RUBCN: variants seen among roughly 807,000 people sequenced by gnomAD.
RUBCN encodes rubicon autophagy regulator, also known as run domain Beclin-1-interacting and cysteine-rich domain-containing protein.
RUBCN carries 74 observed loss-of-function variants against 113.2 expected under a neutral mutation model. The ratio of observed to expected loss-of-function variants is 0.65; its 90% CI spans 0.54 to 0.79. The LOEUF (loss-of-function observed/expected upper bound fraction) is 0.79, where lower values mean the gene tolerates loss of function less well. Ranked by LOEUF, RUBCN falls within the 30% of genes least tolerant of loss-of-function variation. The pLI is 0.00. For missense variants in RUBCN, 1,109 were observed against 1,251.7 expected (o/e 0.89, Z 1.72); for synonymous variants, 480 against 490.0 (o/e 0.98, Z 0.27).
intron 11 of RUBCN, among the ~76,000 whole-genome samples, chr3:197,689,836 C>G (rs1439511930): frequency 6.6e-6 from 1 of 152,174 alleles, no homozygotes; most frequent in Non-Finnish European, 1.5e-5. Flanking sequence ...CGAATCTCTT[C>G]TAGCTATTTT....
Position 197,674,848 on chromosome 3 carries a change from G to GATAT in RUBCN, c.*169_*170insATAT. On this transcript the variant is annotated 3_prime_UTR_variant, in exon 20 of 20. Coordinates refer to ENST00000296343, the MANE Select transcript of RUBCN (RefSeq NM_014687.4). ...ACTCTGGACCCATCAACCTGCCGAC[G>GATAT]GCTGACTGCACACAGACGTCAGACA... is the stretch of plus-strand genomic sequence containing the variant. 1 of 593,624 alleles carries GATAT rather than the reference G, an allele frequency of 1.7e-6. No individual in the cohort carries two copies. Among genetic ancestry groups the GATAT allele is most frequent in the Non-Finnish European group, 2.8e-6 (1 of 354,432 alleles). 36.8% of individuals were successfully genotyped at this position (593,624 alleles called of 1,614,324 possible). A position where few individuals can be genotyped will look rare whatever the true frequency, so the allele number is the denominator to read the frequency against.
rs764901349 is a variant in RUBCN, at chr3:197,675,517, TG to T, written c.2647-3del. 2 of 1,612,690 alleles carry T rather than the reference TG, an allele frequency of 1.2e-6. No homozygotes were observed. Among genetic ancestry groups the T allele is most frequent in the Non-Finnish European group, 1.7e-6 (2 of 1,179,036 alleles). On this transcript the variant is annotated splice_region_variant and splice_polypyrimidine_tract_variant and intron_variant, in intron 18 of 19. Transcript: ENST00000296343. The surrounding 1 kb of genome is among the most constrained non-coding windows in gnomAD (Gnocchi z 4.4). ...GATGAAGCCTTTGGCTTGGCAGAGC[TG>T]GGGAGGAAAAACACAGATGGCAAAA...
chr3:197,748,123 T>A (rs576875433), intron 1 of RUBCN: 24 of 152,008 alleles, frequency 1.6e-4, no homozygotes, highest in African/African-American at 4.6e-4. Flanking sequence ...TATTTATTTT[T>A]ATTTTTTAGT....
chr3:197,685,441 T>C (rs1721731929), intron 11 of RUBCN, among the ~76,000 whole-genome samples: 1 of 152,218 alleles, frequency 6.6e-6, no homozygotes, highest in East Asian at 1.9e-4. Flanking sequence ...TCCTCACGTT[T>C]CCTCTGTATG....
At chr3:197,684,076 G>A (rs1172814029) in intron 12 of RUBCN, 81 bp downstream of exon 12, 3 of 1,130,018 alleles carry the variant, frequency 2.7e-6, no homozygotes, top group African/African-American at 1.5e-5. Context: ...GCTTTGCCCA[G>A]CCATACACCA....
chr3:197,743,427 C>T (rs1479284269), intron 1 of RUBCN, among the ~76,000 whole-genome samples: 2 of 152,148 alleles, frequency 1.3e-5, no homozygotes, highest in Non-Finnish European at 2.9e-5. Flanking sequence ...AGGAGGACCT[C>T]GAACTCTGTT....
chr3:197,701,502 A>C (rs1723665564), intron 6 of RUBCN, among the ~76,000 whole-genome samples: 2 of 152,198 alleles, frequency 1.3e-5, no homozygotes, highest in African/African-American at 4.8e-5. Context: ...AACCCAGGGG[A>C]ATCTACAAAC....
intron 11 of RUBCN, among the ~76,000 whole-genome samples, chr3:197,692,508 G>A (rs572672559): frequency 3.7e-4 from 56 of 151,880 alleles, no homozygotes; most frequent in African/African-American, 1.2e-3. Context: ...TTGGTGACCT[G>A]TGTCTGGCAT....
In RUBCN at chr3:197,700,631, C is replaced by A; in HGVS notation, c.1243G>T (p.Ala415Ser). Residue 415 changes from alanine (A) to serine (S), a missense_variant, in exon 7 of 20, where the codon GCC becomes TCC. By Grantham distance (99) the Ala-to-Ser change is moderately conservative (BLOSUM62 1). This residue lies in a region of RUBCN where 736 missense variants were observed against 779.6 expected (regional missense o/e 0.94). Transcript: ENST00000296343. ...HIRSHSDTSI[A>S]SRGAPESCND... Reference sequence around the variant, plus strand: ...TCATTACCTGGAGCTCCCCTGGAGGCAATGCTGGTATCCGAATGGGAGCGA... The same window carrying A: ...TCATTACCTGGAGCTCCCCTGGAGGAAATGCTGGTATCCGAATGGGAGCGA... The A allele has an allele frequency of 2.5e-6, 4 of 1,614,128 alleles. No homozygotes were observed. In the East Asian group the frequency reaches 6.7e-5, roughly 27 times the overall value.
intron 7 of RUBCN, among the ~76,000 whole-genome samples, chr3:197,698,194 C>T (rs982467479): frequency 6.6e-6 from 1 of 152,222 alleles, no homozygotes; most frequent in Non-Finnish European, 1.5e-5. Flanking sequence ...CCCTTACACT[C>T]GTTATCTGCC....
chr3:197,687,546 G>C (rs1721985423), intron 11 of RUBCN, among the ~76,000 whole-genome samples: 1 of 152,250 alleles, frequency 6.6e-6, no homozygotes, highest in Admixed American at 6.5e-5. Context: ...GCTGGAGGCA[G>C]AAGGGGTTTC....
chr3:197,688,661 G>A (rs1560417252), intron 11 of RUBCN, among the ~76,000 whole-genome samples: 1 of 152,182 alleles, frequency 6.6e-6, no homozygotes, highest in Admixed American at 6.5e-5. Flanking sequence ...GAAAAAAATA[G>A]CAACAACAAA....
In RUBCN at chr3:197,674,460, GC is replaced by G; in HGVS notation, c.*557del. 2 of 429,216 alleles carry G rather than the reference GC, an allele frequency of 4.7e-6. No individual in the cohort carries two copies. The highest frequency in any genetic ancestry group is 2.6e-5 in the Admixed American group (1 of 37,842). 26.6% of individuals were successfully genotyped at this position (429,216 alleles called of 1,614,324 possible). A position where few individuals can be genotyped will look rare whatever the true frequency, so the allele number is the denominator to read the frequency against. ...CTAGGATAGTCAGGATTGTTCTGTG[GC>G]CCCCAAAATACCCAAATAAGTGGAC... On this transcript the variant is annotated 3_prime_UTR_variant, in exon 20 of 20. Transcript: ENST00000296343.
At chr3:197,731,038 G>A (rs1271955012) in intron 1 of RUBCN, among the ~76,000 whole-genome samples, 1 of 151,450 alleles carries the variant, frequency 6.6e-6, no homozygotes, top group Non-Finnish European at 1.5e-5. Flanking sequence ...GGTGTTTCTC[G>A]CAGAGGGGGA....
chr3:197,680,908 G>A (rs915498874), intron 16 of RUBCN, among the ~76,000 whole-genome samples: 97 of 151,720 alleles, frequency 6.4e-4, no homozygotes, highest in African/African-American at 2.2e-3. Flanking sequence ...GGGCATGAAC[G>A]GAGAGACGGT....
In RUBCN at chr3:197,701,165, T is replaced by C. The variant is rs374941638; in HGVS notation, c.728-19A>G. On this transcript the variant is annotated intron_variant, in intron 6 of 19. Transcript: ENST00000296343. The stretch of plus-strand genomic sequence containing the variant: ...CTTCTCTCTAGAATATAAAAGGAAA[T>C]GGTAAGGGGAGCAAGGGTGAGGTGG... The C allele has an allele frequency of 5.3e-6, 8 of 1,510,400 alleles. No homozygotes were observed. In the Admixed American group the frequency reaches 1.3e-4, roughly 25 times the overall value. The allele number at this position is 1,510,400 out of a possible 1,614,324, so 93.6% of individuals were successfully genotyped here.
chr3:197,705,169 G>A lies in RUBCN; in HGVS notation c.226C>T (p.Arg76Cys), dbSNP rs201775281. 3.7e-4 allele frequency: 594 copies of A among 1,613,874 alleles called. No homozygotes were observed. Among genetic ancestry groups the A allele is most frequent in the Non-Finnish European group, 3.4e-4 (407 of 1,179,800 alleles). The part of the protein sequence containing the change: ...YHGLIRDQAC[R>C]RQTDYWQFVK... Reference sequence around the variant, plus strand: ...AACTGCCAGTAATCCGTCTGGCGGCGGCACGCCTGCAAAGGGAACACATAC... The same window carrying A: ...AACTGCCAGTAATCCGTCTGGCGGCAGCACGCCTGCAAAGGGAACACATAC... Residue 76 changes from arginine (R) to cysteine (C), a missense_variant, in exon 3 of 20, where the codon CGC (arginine) becomes TGC (cysteine). By Grantham distance (180) the Arg-to-Cys change is radical. This residue lies in a region of RUBCN where 736 missense variants were observed against 779.6 expected (regional missense o/e 0.94). Transcript: ENST00000296343.
At chr3:197,684,724 G>C (rs1180767695) in intron 11 of RUBCN, among the ~76,000 whole-genome samples, 4 of 151,142 alleles carry the variant, frequency 2.6e-5, no homozygotes, top group African/African-American at 9.7e-5. Flanking sequence ...ACATATATGT[G>C]TGTGTATATA....
At chr3:197,705,717 G>A (rs945468848) in intron 2 of RUBCN, among the ~76,000 whole-genome samples, 1 of 151,552 alleles carries the variant, frequency 6.6e-6, no homozygotes, top group African/African-American at 2.4e-5. Flanking sequence ...AAGGTATACA[G>A]TAAAAATAAT....
Sources: gnomAD v4.1 joint callset for allele counts (sites outside exome capture counted in the v4.1 genomes callset) on GRCh38, gnomAD v4.1.1 for gene constraint, gnomAD v4.1.1 regional missense constraint, Gnocchi (gnomAD v3.1) non-coding constraint, MANE v1.5 for transcripts, NCBI Gene and HGNC (gene_info 2026-07-23, HGNC 2026-07-21) for gene names.